The following MCM3AP variants were observed in gnomAD, a reference collection of about 807,000 sequenced individuals.
MCM3AP encodes the protein minichromosome maintenance complex component 3 associated protein, also known as germinal-center associated nuclear protein.
A neutral mutation model predicts 184.1 loss-of-function variants in MCM3AP; 126 were observed. The observed-to-expected ratio is 0.68, with a 90% confidence interval of 0.59 to 0.79. The LOEUF is 0.79. Among genes scored for constraint, MCM3AP ranks in the 30% least tolerant of loss-of-function variants. The pLI, the probability that MCM3AP is intolerant of heterozygous loss-of-function variation, is 0.00. For synonymous variants in MCM3AP, 1,002 were observed against 979.3 expected (o/e 1.02, Z -0.43); for missense variants, 2,496 against 2,479.2 (o/e 1.01, Z -0.14).
intron 4 of MCM3AP, among the ~76,000 whole-genome samples, chr21:46,279,454 C>T (rs1261070174): frequency 2.0e-5 from 3 of 152,336 alleles, no homozygotes; most frequent in East Asian, 3.9e-4. Flanking sequence ...AGGCAGGCAG[C>T]GACCCGCCAC....
At chr21:46,265,777 G>T in intron 11 of MCM3AP, 148 bp downstream of exon 11, 1 of 1,026,202 alleles carries the variant, frequency 9.7e-7, no homozygotes, top group Non-Finnish European at 1.4e-6. Context: ...GCATGAGGAA[G>T]AGCCACACCC....
intron 4 of MCM3AP, among the ~76,000 whole-genome samples, chr21:46,278,845 T>G (rs927434974): frequency 6.6e-6 from 1 of 152,116 alleles, no homozygotes; most frequent in African/African-American, 2.4e-5. Context: ...GGCTAATTTT[T>G]TGTATTTTTA....
intron 13 of MCM3AP, among the ~76,000 whole-genome samples, chr21:46,263,266 G>T (rs1456045937): frequency 6.6e-6 from 1 of 151,258 alleles, no homozygotes; most frequent in East Asian, 2.0e-4. Context: ...GGAGGTGGGG[G>T]TTGCAGTGAG....
Position 46,242,899 on chromosome 21 carries a change from A to G in MCM3AP, c.5329T>C (p.Tyr1777His). The change falls in exon 25 of 28, where the codon TAT becomes CAT. Residue 1777 changes from tyrosine (Y) to histidine (H), a missense_variant. Physicochemically the swap from Tyr to His is moderately conservative, Grantham distance 83. Around this residue, in one of 5 missense-constraint regions of MCM3AP, gnomAD observed 1,323 missense variants for 1,273.4 expected, o/e 1.04. Coordinates refer to ENST00000291688, the MANE Select transcript of MCM3AP (RefSeq NM_003906.5). The part of the protein sequence containing the change: ...ALSEDGQICV[Y>H]FFKNDLKKYD... ...TTTTTCAAATCGTTTTTAAAAAAAT[A>G]CACACATATCTGACCATCTTCACTC... 6.2e-7 allele frequency: 1 copy of G among 1,613,694 alleles called. No individual in the cohort carries two copies. The highest frequency in any genetic ancestry group is 8.5e-7 in the Non-Finnish European group (1 of 1,179,818).
At chr21:46,252,926 T>G (rs1270865183) in intron 19 of MCM3AP, 1 of 152,176 alleles carries the variant, frequency 6.6e-6, no homozygotes, top group African/African-American at 2.4e-5. Context: ...GCAGATTGCT[T>G]GAGCCCAGGA....
At chr21:46,275,476 TCAGA>T in intron 5 of MCM3AP, 151 bp from the exon 6 acceptor site, 1 of 733,384 alleles carries the variant, frequency 1.4e-6, no homozygotes. Flanking sequence ...ACTCAGAGCC[TCAGA>T]CAAAGAGGAC....
In MCM3AP at chr21:46,272,691, TG is replaced by T; in HGVS notation, c.2334del (p.Asn778LysfsTer2). 6.2e-7 allele frequency: 1 copy of T among 1,614,222 alleles called. No homozygotes were observed. Among genetic ancestry groups the T allele is most frequent in the Non-Finnish European group, 8.5e-7 (1 of 1,180,044 alleles). On this transcript the variant is annotated frameshift_variant, in exon 8 of 28. Transcript: ENST00000291688. LOFTEE classifies it high-confidence loss of function. ...TTCAGGCTCTGCAGGCACTTGGTCA[TG>T]TTCTCATTATTGATCTTGGCATCAA... ...SSFDAKINNE[N>X]MTKCLQSLKE...
rs113055186 is a variant in MCM3AP at position 46,285,118 on chromosome 21, T to C, written c.169A>G (p.Ser57Gly). 1 of 1,614,104 alleles carries C rather than the reference T, an allele frequency of 6.2e-7. No individual in the cohort carries two copies. Among genetic ancestry groups the C allele is most frequent in the Non-Finnish European group, 8.5e-7 (1 of 1,180,044 alleles). ...CTTACTCCAGAAGACGCTGGAAAGC[T>C]GGATACCTGTGAAAATCCCGAGCTC... ...GKSSGFSQVS[S>G]FPASSGVSHS... The change falls in exon 1 of 28, where the codon AGC becomes GGC. Residue 57 changes from serine (S) to glycine (G), a missense_variant. Physicochemically the swap from Ser to Gly is moderately conservative, Grantham distance 56 (BLOSUM62 0). Transcript: ENST00000291688.
rs1392954580 is a variant in MCM3AP at position 46,270,676 on chromosome 21, C to T, written c.2466-113G>A. 9 of 940,472 alleles carry T rather than the reference C, an allele frequency of 9.6e-6. No individual in the cohort carries two copies. In the Admixed American group the frequency reaches 1.8e-4, roughly 19 times the overall value. The allele number at this position is 940,472 out of a possible 1,614,324, so 58.3% of individuals were successfully genotyped here. A position where few individuals can be genotyped will look rare whatever the true frequency, so the allele number is the denominator to read the frequency against. On this transcript the variant is annotated intron_variant, in intron 8 of 27. Coordinates refer to ENST00000291688, the MANE Select transcript of MCM3AP (RefSeq NM_003906.5). Reference sequence around the variant, plus strand: ...TTCACTGGCCAGATGCAGTGGCTCACACCTGTAATCCCAAAACGTGGGGAG... The same window carrying T: ...TTCACTGGCCAGATGCAGTGGCTCATACCTGTAATCCCAAAACGTGGGGAG...
At chr21:46,246,056 C>A (rs909109845) in intron 22 of MCM3AP, among the ~76,000 whole-genome samples, 2 of 152,178 alleles carry the variant, frequency 1.3e-5, no homozygotes, top group South Asian at 2.1e-4. Context: ...ATAAAACATA[C>A]AACTGCTGCC....
At chr21:46,244,555 G>C (rs1337175839) in intron 23 of MCM3AP, 1 of 531,194 alleles carries the variant, frequency 1.9e-6, no homozygotes, top group South Asian at 2.5e-5. Flanking sequence ...CTGAAGCTGA[G>C]TGAACTCCCA....
chr21:46,272,503 C>T lies in MCM3AP; in HGVS notation c.2465+58G>A, dbSNP rs2081193670. The stretch of plus-strand genomic sequence containing the variant: ...ACTGCCACTCCTGAAAGCTCTTCTC[C>T]TGTTTAAAGCCTGCCTTTTCAGCCA... On this transcript the variant is annotated intron_variant, in intron 8 of 27. Coordinates refer to ENST00000291688, the MANE Select transcript of MCM3AP (RefSeq NM_003906.5). The T allele has an allele frequency of 5.8e-6, 9 of 1,542,602 alleles. No individual in the cohort carries two copies. The Middle Eastern group carries it at 5.2e-4, about 89-fold the overall frequency.
At chr21:46,236,622 C>A (rs1335587974) in intron 27 of MCM3AP, among the ~76,000 whole-genome samples, 1 of 152,184 alleles carries the variant, frequency 6.6e-6, no homozygotes, top group Non-Finnish European at 1.5e-5. Context: ...CAATTCTATT[C>A]TTCATTTATT....
Position 46,267,145 on chromosome 21 carries a change from G to GA in MCM3AP, c.2629-4dup, listed in dbSNP as rs749991233. The stretch of plus-strand genomic sequence containing the variant: ...GCCCGGAGAGCATCCTTGCGGATCT[G>GA]AGAGGAGGAGCGAAATCACTGCAGT... On this transcript the variant is annotated splice_region_variant and splice_polypyrimidine_tract_variant and intron_variant, in intron 9 of 27. Transcript: ENST00000291688. 2 of 1,612,746 alleles carry GA rather than the reference G, an allele frequency of 1.2e-6. No homozygotes were observed. The highest frequency in any genetic ancestry group is 2.2e-5 in the South Asian group (2 of 90,756).
chr21:46,242,320 C>CT (rs373542871), intron 25 of MCM3AP: 167 of 142,142 alleles, frequency 1.2e-3, no homozygotes, highest in African/African-American at 2.7e-3. Flanking sequence ...CAAGTTAGGA[C>CT]TTTTTTTTTT....
chr21:46,277,617 G>A lies in MCM3AP; in HGVS notation c.1768C>T (p.Leu590Phe). The change falls in exon 5 of 28, where the codon CTC (leucine) becomes TTC (phenylalanine). Residue 590 changes from leucine to phenylalanine, a missense_variant. By Grantham distance (22) the Leu-to-Phe change is conservative (BLOSUM62 0). Around this residue, in one of 5 missense-constraint regions of MCM3AP, gnomAD observed 800 missense variants for 717.1 expected, o/e 1.12. Coordinates refer to ENST00000291688, the MANE Select transcript of MCM3AP (RefSeq NM_003906.5). ...GTGCCTATCAGGGTACTGAGGGAGA[G>A]CACACATGGCCCGAGGCCCTCGGAG... ...EGSEGLGPCVLSLSTLIGTVA... is the reference protein window; with the variant it reads ...EGSEGLGPCVFSLSTLIGTVA... The A allele has an allele frequency of 6.2e-7, 1 of 1,612,356 alleles. No individual in the cohort carries two copies. Among genetic ancestry groups the A allele is most frequent in the Non-Finnish European group, 8.5e-7 (1 of 1,179,250 alleles).
At chr21:46,258,001 A>T (rs2145654559) in intron 16 of MCM3AP, among the ~76,000 whole-genome samples, 1 of 151,940 alleles carries the variant, frequency 6.6e-6, no homozygotes, top group African/African-American at 2.4e-5. Context: ...ACATTATCGC[A>T]CTGACCTCAA....
Position 46,284,867 on chromosome 21 carries a change from C to A in MCM3AP, c.420G>T (p.Gly140=), listed in dbSNP as rs1260169760. 6.2e-7 allele frequency: 1 copy of A among 1,614,018 alleles called. No individual in the cohort carries two copies. Among genetic ancestry groups the A allele is most frequent in the African/African-American group, 1.3e-5 (1 of 74,904 alleles). ...EAGEIVNSGF[G]KTEFSFKPLE... is the part of the protein sequence containing the mutation. ...GAGGTTTAAAGCTGAATTCTGTTTTCCCAAAACCAGAGTTCACTATTTCTC... is the reference window on the plus strand; with the variant it reads ...GAGGTTTAAAGCTGAATTCTGTTTTACCAAAACCAGAGTTCACTATTTCTC... Residue 140 remains glycine, a synonymous_variant, in exon 1 of 28, where the codon GGG becomes GGT. Transcript: ENST00000291688.
At chr21:46,283,569 C>A (rs1404752180) in intron 2 of MCM3AP, 46 bp downstream of exon 2, 5 of 1,342,424 alleles carry the variant, frequency 3.7e-6, no homozygotes, top group Admixed American at 1.9e-5. Context: ...TTTAAAGTGA[C>A]AAGGTTCAAA....
Sources: gnomAD v4.1 joint callset for allele counts (sites outside exome capture counted in the v4.1 genomes callset) on GRCh38, gnomAD v4.1.1 for gene constraint, gnomAD v4.1.1 regional missense constraint, MANE v1.5 for transcripts, NCBI Gene and HGNC (gene_info 2026-07-23, HGNC 2026-07-21) for gene names.